Variants in FAT3 observed in about 807,000 individuals in gnomAD.
FAT3 encodes the protein protocadherin Fat 3.
In FAT3, 95 loss-of-function variants were observed where a neutral mutation model predicts 310.2. The observed-to-expected ratio is 0.31, with a 90% confidence interval of 0.26 to 0.36. The LOEUF is 0.36. FAT3 is among the 10% of genes least tolerant of loss of function. The pLI is 1.00. For synonymous variants in FAT3, 2,314 were observed against 2,192.9 expected, an observed-to-expected ratio of 1.06 and a Z score of -1.54; for missense variants, 5,408 against 5,715.6, an observed-to-expected ratio of 0.95 and a Z score of 1.74.
intron 4 of FAT3, among the ~76,000 whole-genome samples, chr11:92,706,258 A>T (rs1591631906): frequency 6.6e-6 from 1 of 152,124 alleles, no homozygotes; most frequent in South Asian, 2.1e-4. Context: ...AAATTTCCCT[A>T]TTATCTGAAG....
intron 3 of FAT3, among the ~76,000 whole-genome samples, chr11:92,569,392 T>C (rs1301793394): frequency 6.6e-6 from 1 of 152,194 alleles, no homozygotes; most frequent in Non-Finnish European, 1.5e-5. Context: ...CACACATAAG[T>C]ATGCCTAGCC....
intron 2 of FAT3, among the ~76,000 whole-genome samples, chr11:92,507,509 A>G (rs1953145680): frequency 6.6e-6 from 1 of 151,426 alleles, no homozygotes; most frequent in African/African-American, 2.4e-5. Context: ...ATATGTACAC[A>G]TATATATACA....
At chr11:92,608,766 A>T (rs1360110729) in intron 3 of FAT3, among the ~76,000 whole-genome samples, 2 of 133,384 alleles carry the variant, frequency 1.5e-5, no homozygotes, top group Non-Finnish European at 3.3e-5. Context: ...GCAACACAGC[A>T]ATATTCCACT....
intron 3 of FAT3, among the ~76,000 whole-genome samples, chr11:92,563,260 A>G (rs1048471780): frequency 2.8e-4 from 29 of 103,498 alleles, no homozygotes; most frequent in Non-Finnish European, 4.2e-4. Flanking sequence ...CATAATATGG[A>G]CTATATATAT....
intron 4 of FAT3, chr11:92,749,122 T>G (rs1482950295): frequency 6.6e-6 from 1 of 152,216 alleles, no homozygotes; most frequent in Non-Finnish European, 1.5e-5. Context: ...TTGAAAGGTT[T>G]AAGTATTTAA....
intron 2 of FAT3, among the ~76,000 whole-genome samples, chr11:92,362,363 GCTAA>G (rs1833937195): frequency 6.6e-6 from 1 of 152,160 alleles, no homozygotes; most frequent in Admixed American, 6.5e-5. Flanking sequence ...TCAGAGTTGG[GCTAA>G]CTCTCTCCCA....
intron 3 of FAT3, among the ~76,000 whole-genome samples, chr11:92,674,181 A>C (rs1943215192): frequency 7.4e-6 from 1 of 135,012 alleles, no homozygotes; most frequent in South Asian, 2.3e-4. Flanking sequence ...ACTCCATCTC[A>C]AAATAATAAT....
chr11:92,540,592 C>G (rs1954414949), intron 3 of FAT3, among the ~76,000 whole-genome samples: 1 of 152,164 alleles, frequency 6.6e-6, no homozygotes, highest in South Asian at 2.1e-4. Context: ...TTGACCATGA[C>G]AGATCTCTTG....
At chr11:92,484,464 C>T (rs999999207) in intron 2 of FAT3, among the ~76,000 whole-genome samples, 8 of 152,160 alleles carry the variant, frequency 5.3e-5, no homozygotes, top group Non-Finnish European at 1.0e-4. Flanking sequence ...TGGATAAATG[C>T]AGGTACAGCG....
chr11:92,836,203 C>T (rs979039333), intron 15 of FAT3, among the ~76,000 whole-genome samples: 43 of 152,178 alleles, frequency 2.8e-4, no homozygotes, highest in African/African-American at 9.7e-4. Context: ...TAGAGAATCC[C>T]TCACTCAATG....
intron 4 of FAT3, among the ~76,000 whole-genome samples, chr11:92,731,249 T>C (rs1050617040): frequency 2.0e-5 from 3 of 152,230 alleles, no homozygotes; most frequent in Non-Finnish European, 4.4e-5. Flanking sequence ...TTGTTCATTA[T>C]TGGTGCCAGT....
intron 3 of FAT3, among the ~76,000 whole-genome samples, chr11:92,680,927 A>C (rs1943464491): frequency 6.6e-6 from 1 of 152,248 alleles, no homozygotes; most frequent in Non-Finnish European, 1.5e-5. Flanking sequence ...AAACATCTAG[A>C]AACTTTTAGT....
intron 2 of FAT3, among the ~76,000 whole-genome samples, chr11:92,441,362 G>C (rs1179948184): frequency 1.3e-5 from 2 of 152,170 alleles, no homozygotes; most frequent in African/African-American, 2.4e-5. Flanking sequence ...ATTAATATAA[G>C]CAGTTGCTTC....
intron 3 of FAT3, among the ~76,000 whole-genome samples, chr11:92,622,773 G>A (rs746927458): frequency 2.0e-5 from 3 of 152,096 alleles, no homozygotes; most frequent in Non-Finnish European, 4.4e-5. Flanking sequence ...TACTTTCTTC[G>A]TAAAGCCCCA....
At chr11:92,602,407 T>C (rs971257759) in intron 3 of FAT3, among the ~76,000 whole-genome samples, 4 of 152,166 alleles carry the variant, frequency 2.6e-5, no homozygotes, top group African/African-American at 9.7e-5. Context: ...CTGGCCTACC[T>C]TATTTAATTT....
At chr11:92,650,189 A>C (rs1942325773) in intron 3 of FAT3, among the ~76,000 whole-genome samples, 1 of 152,060 alleles carries the variant, frequency 6.6e-6, no homozygotes, top group East Asian at 1.9e-4. Flanking sequence ...TCCTTCCAGG[A>C]ACCAGAGAGG....
At chr11:92,401,026 C>T (rs561247340) in intron 2 of FAT3, among the ~76,000 whole-genome samples, 32 of 152,058 alleles carry the variant, frequency 2.1e-4, no homozygotes, top group Non-Finnish European at 3.5e-4. Context: ...TTGTTTCAAC[C>T]GTGACATATA....
At chr11:92,768,035 C>G (rs1043748204) in intron 6 of FAT3, among the ~76,000 whole-genome samples, 16 of 152,200 alleles carry the variant, frequency 1.1e-4, no homozygotes, top group African/African-American at 3.9e-4. Context: ...AGAGCTCTCC[C>G]TGGAAGGAGT....
At chr11:92,361,433 G>A (rs984624315) in intron 2 of FAT3, among the ~76,000 whole-genome samples, 3 of 149,924 alleles carry the variant, frequency 2.0e-5, no homozygotes, top group African/African-American at 7.4e-5. Flanking sequence ...TGGGGCTTTT[G>A]GGAAGGGATT....
Sources: allele counts gnomAD v4.1 joint callset (sites outside exome capture counted in the v4.1 genomes callset), GRCh38; gene constraint gnomAD v4.1.1; transcripts MANE v1.5; gene names NCBI Gene and HGNC (gene_info 2026-07-23, HGNC 2026-07-21).